The following NAB1 variants were observed in gnomAD, a reference collection of about 807,000 sequenced individuals.
NAB1 encodes the protein NGFI-A binding protein 1.
In NAB1, 25 loss-of-function variants were observed where a neutral mutation model predicts 49.9. The observed-to-expected ratio is 0.50, with a 90% confidence interval of 0.37 to 0.70. The LOEUF is 0.70. Ranked by LOEUF, NAB1 falls within the 30% of genes least tolerant of loss-of-function variation. The pLI is 0.00. For missense variants in NAB1, 489 were observed against 575.9 expected, an observed-to-expected ratio of 0.85 and a Z score of 1.54; for synonymous variants, 198 against 215.6, an observed-to-expected ratio of 0.92 and a Z score of 0.71.
chr2:190,653,784 G>C (rs758736079), intron 2 of NAB1: 4 of 152,220 alleles, frequency 2.6e-5, no homozygotes, highest in Non-Finnish European at 5.9e-5. Context: ...TTAAAAGGCA[G>C]GTGTTGGGGC....
chr2:190,666,198 A>G lies in NAB1; in HGVS notation c.820-4128A>G, dbSNP rs1398787820. The stretch of plus-strand genomic sequence containing the variant: ...GTACCTAGCCCTCCCAGTGCTGGAA[A>G]TGAAAGTCCTGATTGCCTTTTGAGC... On this transcript the variant is annotated intron_variant, in intron 4 of 9. Transcript: ENST00000337386. The surrounding 1 kb of genome is among the most constrained non-coding windows in gnomAD (Gnocchi z 5.6). Among the ~76,000 whole-genome samples, 1 of 152,146 alleles carries G rather than the reference A, an allele frequency of 6.6e-6. No homozygotes were observed. Among genetic ancestry groups the G allele is most frequent in the African/African-American group, 2.4e-5 (1 of 41,424 alleles).
Position 190,677,272 on chromosome 2 carries a change from C to A in NAB1, c.1005+4120C>A, listed in dbSNP as rs1425324611. 6.6e-6 allele frequency: 1 copy of A among 152,266 alleles called. No individual in the cohort carries two copies. The highest frequency in any genetic ancestry group is 1.9e-4 in the East Asian group (1 of 5,192). The allele number at this position is 152,266 out of a possible 1,614,324, so 9.4% of individuals were successfully genotyped here. A position where few individuals can be genotyped will look rare whatever the true frequency, so the allele number is the denominator to read the frequency against. ...AATCTGTTGTCCTTAAATAGTGTTC[C>A]TCCTTACAGGGTATGTTAAACATTA... On this transcript the variant is annotated intron_variant, in intron 6 of 9. Transcript: ENST00000337386. This position sits in a 1 kb window ranked among gnomAD's most constrained non-coding sequence, Gnocchi z 5.6.
Position 190,670,419 on chromosome 2 carries a change from T to C in NAB1, c.913T>C (p.Ser305Pro), listed in dbSNP as rs1314191971. 1 of 1,614,054 alleles carries C rather than the reference T, an allele frequency of 6.2e-7. No individual in the cohort carries two copies. The highest frequency in any genetic ancestry group is 1.7e-5 in the Admixed American group (1 of 60,012). Residue 305 changes from serine (S) to proline (P), a missense_variant, in exon 5 of 10, where the codon TCT (serine) becomes CCT (proline). Around this residue, in one of 4 missense-constraint regions of NAB1, gnomAD observed 38 missense variants for 70.1 expected, o/e 0.54. Transcript: ENST00000337386. The surrounding 1 kb of genome is among the most constrained non-coding windows in gnomAD (Gnocchi z 5.3). ...GCTTTTTGCCTTGGCTCGACAGATT[T>C]CTCGAGAAGTCACCTATAAATATAC... ...DELFALARQI[S>P]REVTYKYTYR...
In NAB1 at chr2:190,654,341, C is replaced by T. The variant is rs1693816350; in HGVS notation, c.-196-1636C>T. ...CATGAAGGACTGTCTTTCCTCTGTT[C>T]CCCAGAACTGGCTTAGTTGTTGGTG... On this transcript the variant is annotated intron_variant, in intron 2 of 9. Transcript: ENST00000337386. The surrounding 1 kb of genome is among the most constrained non-coding windows in gnomAD (Gnocchi z 5.6). Among the ~76,000 whole-genome samples, 1 of 152,126 alleles carries T rather than the reference C, an allele frequency of 6.6e-6. No homozygotes were observed. Among genetic ancestry groups the T allele is most frequent in the African/African-American group, 2.4e-5 (1 of 41,410 alleles).
In NAB1 at chr2:190,659,491, A is replaced by G. The variant is rs1413226552; in HGVS notation, c.315A>G (p.Thr105=). 8 of 1,614,214 alleles carry G rather than the reference A, an allele frequency of 5.0e-6. No individual in the cohort carries two copies. The highest frequency in any genetic ancestry group is 1.6e-4 in the Middle Eastern group (1 of 6,062). ...ATAAATTACCAGAGGGATCACCAAC[A>G]TGGCTGGGAATATCCTGCAGTAGTT... is the stretch of plus-strand genomic sequence containing the variant. ...PIYKLPEGSP[T]WLGISCSSYE... is the part of the protein sequence containing the mutation. The change falls in exon 4 of 10, where the codon ACA becomes ACG. Residue 105 remains threonine, a synonymous_variant. Transcript: ENST00000337386. The surrounding 1 kb of genome is among the most constrained non-coding windows in gnomAD (Gnocchi z 6.2).
At chr2:190,681,965 G>A (rs1695369923) in intron 6 of NAB1, among the ~76,000 whole-genome samples, 1 of 152,148 alleles carries the variant, frequency 6.6e-6, no homozygotes, top group Admixed American at 6.5e-5. Flanking sequence ...GAGAAATAAT[G>A]TTTTGGAGTT....
chr2:190,654,087 C>G lies in NAB1; in HGVS notation c.-196-1890C>G, dbSNP rs1005347082. Among the ~76,000 whole-genome samples the G allele has an allele frequency of 1.3e-5, 2 of 152,168 alleles. No homozygotes were observed. Among genetic ancestry groups the G allele is most frequent in the Non-Finnish European group, 2.9e-5 (2 of 68,024 alleles). Reference sequence around the variant, plus strand: ...GACATTGGGTTTCATTGCACAGCAACCTTTCCAGAGATGTTATTCATCATT... The same window carrying G: ...GACATTGGGTTTCATTGCACAGCAAGCTTTCCAGAGATGTTATTCATCATT... On this transcript the variant is annotated intron_variant, in intron 2 of 9. Coordinates refer to ENST00000337386, the MANE Select transcript of NAB1 (RefSeq NM_005966.4). The surrounding 1 kb of genome is among the most constrained non-coding windows in gnomAD (Gnocchi z 5.6).
chr2:190,650,241 A>G (rs1337777314), intron 2 of NAB1, among the ~76,000 whole-genome samples: 1 of 152,216 alleles, frequency 6.6e-6, no homozygotes, highest in East Asian at 1.9e-4. Flanking sequence ...TTCGGGAGGC[A>G]CGGAAAATTT....
chr2:190,664,585 CCTTT>C (rs1169459958), intron 4 of NAB1, among the ~76,000 whole-genome samples: 2 of 80,092 alleles, frequency 2.5e-5, no homozygotes, highest in Non-Finnish European at 4.9e-5. Flanking sequence ...TTTCTTCTTT[CCTTT>C]TTTTTTTTTT....
At chr2:190,662,387 C>CTTT (rs201737455) in intron 4 of NAB1, among the ~76,000 whole-genome samples, 18 of 146,562 alleles carry the variant, frequency 1.2e-4, no homozygotes, top group African/African-American at 3.5e-4. Context: ...TTAAGCCCCT[C>CTTT]TTTTTTTTTT....
At position 190,659,746 on chromosome 2, in the gene NAB1, G is replaced by C; in HGVS notation, c.570G>C (p.Ala190=). 6.2e-7 allele frequency: 1 copy of C among 1,614,020 alleles called. No individual in the cohort carries two copies. The highest frequency in any genetic ancestry group is 8.5e-7 in the Non-Finnish European group (1 of 1,179,936). ...CGTCCCCAAAGGAGAGCAGTGAGGC[G>C]CTGGATGCTGCTGCTGCGCTCTCTG... ...SPASPKESSE[A]LDAAAALSVA... The change falls in exon 4 of 10, where the codon GCG becomes GCC. Residue 190 remains alanine (A), a synonymous_variant. Transcript: ENST00000337386. The surrounding 1 kb of genome is among the most constrained non-coding windows in gnomAD (Gnocchi z 6.2).
Position 190,689,213 on chromosome 2 carries a change from C to A in NAB1, c.1376-1032C>A, listed in dbSNP as rs546881520. On this transcript the variant is annotated intron_variant, in intron 9 of 9. Transcript: ENST00000337386. The surrounding 1 kb of genome is among the most constrained non-coding windows in gnomAD (Gnocchi z 4.3). Reference sequence around the variant, plus strand: ...TCCAGATCTTAGCACCGATACTTGACTGAGTGACCCTGACTGAGTTACTTA... The same window carrying A: ...TCCAGATCTTAGCACCGATACTTGAATGAGTGACCCTGACTGAGTTACTTA... Among the ~76,000 whole-genome samples the A allele has an allele frequency of 1.3e-5, 2 of 152,264 alleles. No individual in the cohort carries two copies. Among genetic ancestry groups the A allele is most frequent in the East Asian group, 3.9e-4 (2 of 5,188 alleles).
intron 4 of NAB1, among the ~76,000 whole-genome samples, chr2:190,665,037 G>A (rs1694442526): frequency 6.6e-6 from 1 of 151,994 alleles, no homozygotes; most frequent in Non-Finnish European, 1.5e-5. Context: ...AGGCCTACTG[G>A]TGGCAAACTC....
At chr2:190,673,675 A>G (rs1249759329) in intron 6 of NAB1, among the ~76,000 whole-genome samples, 1 of 152,194 alleles carries the variant, frequency 6.6e-6, no homozygotes. Context: ...TCGTTTCTTT[A>G]TATTAACTAT....
intron 9 of NAB1, among the ~76,000 whole-genome samples, chr2:190,688,986 C>T (rs1477216786): frequency 6.6e-6 from 1 of 151,978 alleles, no homozygotes; most frequent in East Asian, 1.9e-4. Context: ...CTACAAGTGC[C>T]CGCCACTGCA....
rs201147918 is a variant in NAB1, at chr2:190,685,648, T to C, written c.1258+10T>C. On this transcript the variant is annotated intron_variant, in intron 8 of 9. Transcript: ENST00000337386. The surrounding 1 kb of genome is among the most constrained non-coding windows in gnomAD (Gnocchi z 4.5). Reference sequence around the variant, plus strand: ...AACTCAGATGGACAAGGTACATCTTTAGAATATCCTATGCCTTTAGGGCCA... The same window carrying C: ...AACTCAGATGGACAAGGTACATCTTCAGAATATCCTATGCCTTTAGGGCCA... 259 of 1,590,796 alleles carry C rather than the reference T, an allele frequency of 1.6e-4. 1 individual carries two copies. The highest frequency in any genetic ancestry group is 1.0e-3 in the African/African-American group (77 of 74,180).
In NAB1 at chr2:190,649,679, GCT is replaced by G. The variant is rs202222456; in HGVS notation, c.-333-164_-333-163del. ...AACGGGGCTGGGGGCGTCACACGGCGCTCTGGGGGTGTGCGATGTGGGTTGTG... is the reference window on the plus strand; with the variant it reads ...AACGGGGCTGGGGGCGTCACACGGCGCTGGGGGTGTGCGATGTGGGTTGTG... On this transcript the variant is annotated intron_variant, in intron 1 of 9. Transcript: ENST00000337386. The surrounding 1 kb of genome is among the most constrained non-coding windows in gnomAD (Gnocchi z 6.1). 41 of 149,242 alleles carry G rather than the reference GCT, an allele frequency of 2.7e-4. No homozygotes were observed. Among genetic ancestry groups the G allele is most frequent in the Non-Finnish European group, 4.2e-4 (28 of 67,020 alleles). The allele number at this position is 149,242 out of a possible 1,614,324, so 9.2% of individuals were successfully genotyped here. A position where few individuals can be genotyped will look rare whatever the true frequency, so the allele number is the denominator to read the frequency against.
At position 190,649,895 on chromosome 2, in the gene NAB1, G is replaced by A. The variant is rs1277962233; in HGVS notation, c.-284G>A. On this transcript the variant is annotated 5_prime_UTR_variant, in exon 2 of 10. The change creates a new upstream start codon in the 5' untranslated region. Coordinates refer to ENST00000337386, the MANE Select transcript of NAB1 (RefSeq NM_005966.4). The surrounding 1 kb of genome is among the most constrained non-coding windows in gnomAD (Gnocchi z 6.1). ...TGGCTTACAGAAACTTGGCGCTGAG[G>A]TGCAGGGAAGCCAGAAACTCTTTGT... 6.6e-6 allele frequency: 1 copy of A among 152,248 alleles called. No homozygotes were observed. The highest frequency in any genetic ancestry group is 1.5e-5 in the Non-Finnish European group (1 of 68,064). The allele number at this position is 152,248 out of a possible 1,614,324, so 9.4% of individuals were successfully genotyped here.
intron 4 of NAB1, among the ~76,000 whole-genome samples, chr2:190,668,233 A>G (rs1169656636): frequency 6.6e-6 from 1 of 152,198 alleles, no homozygotes; most frequent in Non-Finnish European, 1.5e-5. Flanking sequence ...CCTGTGACCT[A>G]ACTGGTCTAT....
Sources: gnomAD v4.1 joint callset for allele counts (sites outside exome capture counted in the v4.1 genomes callset) on GRCh38, gnomAD v4.1.1 for gene constraint, gnomAD v4.1.1 regional missense constraint, Gnocchi (gnomAD v3.1) non-coding constraint, MANE v1.5 for transcripts, NCBI Gene and HGNC (gene_info 2026-07-23, HGNC 2026-07-21) for gene names.